TEX101: variants seen among roughly 807,000 people sequenced by gnomAD.
The protein encoded by TEX101 is testis expressed 101.
A neutral mutation model predicts 18.1 loss-of-function variants in TEX101; 10 were observed. The ratio of observed to expected loss-of-function variants is 0.55; its 90% CI spans 0.34 to 0.94. TEX101 has a LOEUF of 0.94. Ranked by LOEUF, TEX101 falls within the 40% of genes least tolerant of loss-of-function variation. The pLI, the probability that TEX101 is intolerant of heterozygous loss-of-function variation, is 0.02. For missense variants in TEX101, 259 were observed against 298.9 expected, an observed-to-expected ratio of 0.87 and a Z score of 0.98; for synonymous variants, 94 against 114.8, an observed-to-expected ratio of 0.82 and a Z score of 1.16.
At position 43,417,870 on chromosome 19, in the gene TEX101, C is replaced by T; in HGVS notation, c.392-8C>T. On this transcript the variant is annotated splice_polypyrimidine_tract_variant and splice_region_variant and intron_variant, in intron 4 of 5. Coordinates refer to ENST00000598265, the MANE Select transcript of TEX101 (RefSeq NM_001130011.3). Reference sequence around the variant, plus strand: ...CTGCCCTTAACTGTCTCTCTCATTTCCCTCCAGCTTCCACTGTGTCAACAA... The same window carrying T: ...CTGCCCTTAACTGTCTCTCTCATTTTCCTCCAGCTTCCACTGTGTCAACAA... 5 of 1,613,960 alleles carry T rather than the reference C, an allele frequency of 3.1e-6. No homozygotes were observed. Among genetic ancestry groups the T allele is most frequent in the Non-Finnish European group, 4.2e-6 (5 of 1,179,912 alleles).
intron 3 of TEX101, among the ~76,000 whole-genome samples, chr19:43,409,728 C>T (rs1397195697): frequency 6.6e-6 from 1 of 152,012 alleles, no homozygotes; most frequent in Non-Finnish European, 1.5e-5. Context: ...AAGATTGCAC[C>T]ATTGCACTCC....
At chr19:43,413,097 T>C (rs915161197), upstream of TEX101, among the ~76,000 whole-genome samples, 2 of 152,184 alleles carry the variant, frequency 1.3e-5, no homozygotes, top group African/African-American at 2.4e-5. Flanking sequence ...TGAAAAAGCA[T>C]TGCAAAACTT....
At chr19:43,415,691 A>C (rs913102041) in intron 1 of TEX101, among the ~76,000 whole-genome samples, 190 bp from the exon 2 acceptor site, 1 of 151,656 alleles carries the variant, frequency 6.6e-6, no homozygotes. Context: ...TGAACCTGAT[A>C]GGCAGAGGCA....
At chr19:43,396,086 C>T in the TEX101 span, among the ~76,000 whole-genome samples, 6 of 152,172 alleles carry the variant, frequency 3.9e-5, no homozygotes, top group African/African-American at 1.2e-4. Flanking sequence ...CATCCATCTC[C>T]CCTTCCCCAG....
upstream of TEX101, among the ~76,000 whole-genome samples, chr19:43,413,518 G>A (rs1448245748): frequency 1.4e-5 from 2 of 147,522 alleles, no homozygotes; most frequent in East Asian, 2.1e-4. Context: ...AAAAGGCCAA[G>A]AATTTATTTT....
upstream of TEX101, among the ~76,000 whole-genome samples, chr19:43,400,944 T>G (rs79605492): frequency 0.016 from 2,424 of 152,274 alleles, 21 homozygotes; most frequent in Non-Finnish European, 0.022. Flanking sequence ...TTTTAAAAGT[T>G]TATTTGTCTT....
chr19:43,393,352 C>G, the TEX101 span, among the ~76,000 whole-genome samples: 1 of 152,212 alleles, frequency 6.6e-6, no homozygotes, highest in Non-Finnish European at 1.5e-5. Context: ...AGCGCACAGC[C>G]TGCATCCCAT....
intron 1 of TEX101, among the ~76,000 whole-genome samples, chr19:43,401,721 C>T (rs966428672): frequency 6.6e-6 from 1 of 152,016 alleles, no homozygotes; most frequent in South Asian, 2.1e-4. Flanking sequence ...GGTGTGGTAG[C>T]AAATGCCTGT....
chr19:43,397,809 A>AT (rs1425248766), upstream of TEX101, among the ~76,000 whole-genome samples: 3 of 90,536 alleles, frequency 3.3e-5, no homozygotes, highest in Non-Finnish European at 7.7e-5. Flanking sequence ...TATATTATAT[A>AT]AATATAAATA....
chr19:43,394,240 CA>C, the TEX101 span, among the ~76,000 whole-genome samples: 5 of 151,808 alleles, frequency 3.3e-5, no homozygotes, highest in Non-Finnish European at 7.4e-5. Flanking sequence ...GAGTCCCTTC[CA>C]ACTGCTGGTG....
At chr19:43,416,767 G>C (rs1970484282) in intron 4 of TEX101, among the ~76,000 whole-genome samples, 1 of 152,088 alleles carries the variant, frequency 6.6e-6, no homozygotes, top group Non-Finnish European at 1.5e-5. Context: ...GTGTAAACTG[G>C]GTTTTGTGTT....
upstream of TEX101, among the ~76,000 whole-genome samples, chr19:43,400,756 G>A (rs1038174496): frequency 2.0e-5 from 3 of 152,126 alleles, no homozygotes; most frequent in Non-Finnish European, 2.9e-5. Context: ...TTTTTAATAA[G>A]GTAAAATATT....
chr19:43,389,285 A>C, the TEX101 span, among the ~76,000 whole-genome samples: 4 of 152,394 alleles, frequency 2.6e-5, no homozygotes, highest in African/African-American at 9.6e-5. Context: ...GGAGGGACAC[A>C]GACACGGGTC....
chr19:43,407,370 A>G (rs997862597), intron 3 of TEX101, among the ~76,000 whole-genome samples: 3 of 152,120 alleles, frequency 2.0e-5, no homozygotes, highest in Non-Finnish European at 4.4e-5. Context: ...CTGTAATCCC[A>G]GCTACTCGGG....
the TEX101 span, among the ~76,000 whole-genome samples, chr19:43,390,450 C>CTTTTTTTTTTTTTTTTTTT: frequency 8.0e-5 from 5 of 62,876 alleles, no homozygotes; most frequent in Admixed American, 1.8e-4. Flanking sequence ...CTTTTCTTTT[C>CTTTTTTTTTTTTTTTTTTT]TTTTTTTTTC....
chr19:43,416,252 G>A lies in TEX101; in HGVS notation c.208+10G>A. ...CTAATAATTAAAGCAGGTGAAATGA[G>A]ATGGGGCATTTGGGCTGGGTAGGAG... On this transcript the variant is annotated intron_variant, in intron 3 of 5. Coordinates refer to ENST00000598265, the MANE Select transcript of TEX101 (RefSeq NM_001130011.3). 1 of 1,602,380 alleles carries A rather than the reference G, an allele frequency of 6.2e-7. No individual in the cohort carries two copies. The highest frequency in any genetic ancestry group is 8.5e-7 in the Non-Finnish European group (1 of 1,174,648).
At chr19:43,404,482 A>G (rs1343161820) in intron 2 of TEX101, among the ~76,000 whole-genome samples, 1 of 152,130 alleles carries the variant, frequency 6.6e-6, no homozygotes, top group African/African-American at 2.4e-5. Flanking sequence ...ATAATATACT[A>G]CAATTTGTTT....
In TEX101 at chr19:43,417,992, T is replaced by C. The variant is rs1970498768; in HGVS notation, c.506T>C (p.Leu169Pro). ...NGTTRCYQGK[L>P]EITGGGIESS... ...ACAACTCGATGCTATCAAGGAAAAC[T>C]TGAGATCACTGGAGGTAAACTGAAA... Residue 169 changes from leucine to proline, a missense_variant, in exon 5 of 6, where the codon CTT (leucine) becomes CCT (proline). Coordinates refer to ENST00000598265, the MANE Select transcript of TEX101 (RefSeq NM_001130011.3). The C allele has an allele frequency of 7.4e-6, 12 of 1,614,112 alleles. No homozygotes were observed. Among genetic ancestry groups the C allele is most frequent in the East Asian group, 2.2e-5 (1 of 44,882 alleles).
chr19:43,401,845 CAAA>C (rs888488881), intron 1 of TEX101, among the ~76,000 whole-genome samples: 1 of 133,798 alleles, frequency 7.5e-6, no homozygotes, highest in Non-Finnish European at 1.6e-5. Context: ...AACTCTGTCT[CAAA>C]AAAAAAAAAG....
Sources: gnomAD v4.1 joint callset for allele counts (sites outside exome capture counted in the v4.1 genomes callset) on GRCh38, gnomAD v4.1.1 for gene constraint, MANE v1.5 for transcripts, NCBI Gene and HGNC (gene_info 2026-07-23, HGNC 2026-07-21) for gene names.